PDE11A: variants seen among roughly 807,000 people sequenced by gnomAD.
The protein encoded by PDE11A is dual 3',5'-cyclic-AMP and -GMP phosphodiesterase 11A.
PDE11A carries 100 observed loss-of-function variants against 100.5 expected under a neutral mutation model. That is an observed-to-expected ratio of 1.00 (90% CI 0.85 to 1.18). The LOEUF is 1.18. Ranked by LOEUF, PDE11A falls within the 50% of genes most tolerant of loss-of-function variation. The probability of loss-of-function intolerance (pLI) is 0.00; values close to 1 mark genes in which losing one functional copy is unlikely to be tolerated. For synonymous variants in PDE11A, 381 were observed against 420.8 expected (o/e 0.91, Z 1.16); for missense variants, 1,141 against 1,152.6 (o/e 0.99, Z 0.15).
chr2:177,667,134 G>T (rs933189343), intron 18 of PDE11A, among the ~76,000 whole-genome samples: 1 of 151,898 alleles, frequency 6.6e-6, no homozygotes, highest in Non-Finnish European at 1.5e-5. Flanking sequence ...GGCTGGTCTC[G>T]AACTCCTGAC....
At chr2:177,808,102 T>C (rs1414363332) in intron 9 of PDE11A, among the ~76,000 whole-genome samples, 4 of 152,190 alleles carry the variant, frequency 2.6e-5, no homozygotes, top group Non-Finnish European at 5.9e-5. Flanking sequence ...GGTTTTTTCA[T>C]GGAGGGATGA....
intron 9 of PDE11A, among the ~76,000 whole-genome samples, chr2:177,772,994 A>T: frequency 6.6e-6 from 1 of 152,204 alleles, no homozygotes; most frequent in South Asian, 2.1e-4. Flanking sequence ...TAATTTGTCA[A>T]TTATTTAAAT....
intron 1 of PDE11A, among the ~76,000 whole-genome samples, chr2:178,050,473 C>G (rs183780556): frequency 5.9e-5 from 9 of 152,258 alleles, no homozygotes; most frequent in Admixed American, 3.3e-4. Context: ...CAGCTCCTCA[C>G]CAGCAATGGA....
chr2:177,987,833 T>C (rs1405219758), intron 2 of PDE11A, among the ~76,000 whole-genome samples: 1 of 152,210 alleles, frequency 6.6e-6, no homozygotes, highest in Non-Finnish European at 1.5e-5. Context: ...AACCAGGCGA[T>C]ATTCTTTTAT....
Position 177,624,069 on chromosome 2 carries a change from C to G in PDE11A, c.*5338G>C, listed in dbSNP as rs558144846. The G allele has an allele frequency of 6.6e-6, 1 of 152,306 alleles. No homozygotes were observed. Among genetic ancestry groups the G allele is most frequent in the Admixed American group, 6.5e-5 (1 of 15,298 alleles). 9.4% of individuals were successfully genotyped at this position (152,306 alleles called of 1,614,324 possible). A position where few individuals can be genotyped will look rare whatever the true frequency, so the allele number is the denominator to read the frequency against. On this transcript the variant is annotated 3_prime_UTR_variant, in exon 20 of 20. Coordinates refer to ENST00000286063, the MANE Select transcript of PDE11A (RefSeq NM_016953.4). ...CAATTTTGGCCTTCTTGTAGTCAGA[C>G]TTAACCTTTACATTTCCTGATACAT... is the stretch of plus-strand genomic sequence containing the variant.
intron 1 of PDE11A, chr2:178,104,609 A>T: frequency 2.8e-6 from 2 of 706,900 alleles, no homozygotes; most frequent in East Asian, 5.5e-5. Context: ...TATCCTTTAA[A>T]GCATGCAAGC....
intron 9 of PDE11A, among the ~76,000 whole-genome samples, chr2:177,771,686 C>T (rs1342794321): frequency 2.0e-5 from 3 of 152,106 alleles, no homozygotes; most frequent in Non-Finnish European, 4.4e-5. Context: ...TCAACTAAAG[C>T]ACAGTAAAAT....
At chr2:177,971,712 T>C (rs1242482819) in intron 2 of PDE11A, among the ~76,000 whole-genome samples, 1 of 152,144 alleles carries the variant, frequency 6.6e-6, no homozygotes, top group Non-Finnish European at 1.5e-5. Flanking sequence ...AGTCCCGTTA[T>C]GTAAGGTCAC....
intron 2 of PDE11A, among the ~76,000 whole-genome samples, chr2:177,999,424 C>T (rs970184883): frequency 1.3e-5 from 2 of 152,164 alleles, no homozygotes; most frequent in Non-Finnish European, 2.9e-5. Flanking sequence ...ACAAGTATCA[C>T]TGTGATATTA....
intron 12 of PDE11A, among the ~76,000 whole-genome samples, chr2:177,722,080 G>A (rs1291452445): frequency 6.6e-6 from 1 of 152,028 alleles, no homozygotes; most frequent in African/African-American, 2.4e-5. Context: ...AAAACACAAA[G>A]CGACAGATTA....
intron 2 of PDE11A, among the ~76,000 whole-genome samples, chr2:178,002,571 T>C (rs2086158237): frequency 2.6e-5 from 4 of 152,164 alleles, no homozygotes; most frequent in Admixed American, 2.0e-4. Flanking sequence ...GAAGCTATTA[T>C]AAGGTACCTA....
Position 178,014,407 on chromosome 2 carries a change from T to A in PDE11A, c.966A>T (p.Ser322=). The A allele has an allele frequency of 6.2e-7, 1 of 1,612,658 alleles. No individual in the cohort carries two copies. The highest frequency in any genetic ancestry group is 1.7e-5 in the Admixed American group (1 of 60,020). ...IDKLTGYKTK[S]LLCMPIRSSD... The stretch of plus-strand genomic sequence containing the variant: ...TGCTTCGGATAGGCATGCACAATAA[T>A]GATTTTGTCTTGTATCCAGTTAGCT... Residue 322 remains serine, a synonymous_variant, in exon 2 of 20, where the codon TCA becomes TCT. Transcript: ENST00000286063.
intron 2 of PDE11A, among the ~76,000 whole-genome samples, chr2:178,008,209 A>G (rs1339980098): frequency 1.3e-5 from 2 of 152,194 alleles, no homozygotes; most frequent in Admixed American, 1.3e-4. Context: ...TTGTAATACC[A>G]CTATTCATGT....
At chr2:177,988,762 T>A (rs917946205) in intron 2 of PDE11A, among the ~76,000 whole-genome samples, 6 of 152,118 alleles carry the variant, frequency 3.9e-5, no homozygotes, top group Admixed American at 2.0e-4. Context: ...ATGTTGGAAG[T>A]CAAAAGGATG....
At chr2:177,787,894 C>T (rs1172524008) in intron 9 of PDE11A, among the ~76,000 whole-genome samples, 1 of 152,124 alleles carries the variant, frequency 6.6e-6, no homozygotes, top group Non-Finnish European at 1.5e-5. Flanking sequence ...AAAGCAAGTC[C>T]TGAATGACCT....
At position 177,628,536 on chromosome 2, in the gene PDE11A, A is replaced by C. The variant is rs2079869887; in HGVS notation, c.*871T>G. ...TAGTAATCTTAAATTTTATACCAGA[A>C]CTCCTCACTAGGAGAACTCAAGGTA... On this transcript the variant is annotated 3_prime_UTR_variant, in exon 20 of 20. Coordinates refer to ENST00000286063, the MANE Select transcript of PDE11A (RefSeq NM_016953.4). 6.6e-6 allele frequency: 1 copy of C among 152,334 alleles called. No individual in the cohort carries two copies. Among genetic ancestry groups the C allele is most frequent in the African/African-American group, 2.4e-5 (1 of 41,428 alleles). The allele number at this position is 152,334 out of a possible 1,614,324, so 9.4% of individuals were successfully genotyped here. A position where few individuals can be genotyped will look rare whatever the true frequency, so the allele number is the denominator to read the frequency against.
intron 1 of PDE11A, among the ~76,000 whole-genome samples, chr2:178,058,652 T>C (rs1462337223): frequency 6.6e-6 from 1 of 152,116 alleles, no homozygotes; most frequent in Non-Finnish European, 1.5e-5. Flanking sequence ...TCATGTAACA[T>C]ATAACATTTT....
intron 9 of PDE11A, among the ~76,000 whole-genome samples, chr2:177,787,708 T>A: frequency 1.5e-5 from 2 of 132,200 alleles, no homozygotes; most frequent in African/African-American, 5.8e-5. Context: ...ACCAAGCAAA[T>A]GGAAAACAAA....
At chr2:177,640,978 C>A (rs1427184153) in intron 19 of PDE11A, among the ~76,000 whole-genome samples, 1 of 152,208 alleles carries the variant, frequency 6.6e-6, no homozygotes, top group African/African-American at 2.4e-5. Context: ...TTGCCATTTC[C>A]ACAACCCTGG....
Sources: gnomAD v4.1 joint callset for allele counts (sites outside exome capture counted in the v4.1 genomes callset) on GRCh38, gnomAD v4.1.1 for gene constraint, MANE v1.5 for transcripts, NCBI Gene and HGNC (gene_info 2026-07-23, HGNC 2026-07-21) for gene names.